Variants in CNTN4 observed in about 807,000 individuals in gnomAD.
The protein encoded by CNTN4 is contactin 4.
In CNTN4, 77 loss-of-function variants were observed where a neutral mutation model predicts 122.5. That is an observed-to-expected ratio of 0.63 (90% CI 0.52 to 0.76). The LOEUF (loss-of-function observed/expected upper bound fraction) is 0.76, where lower values mean the gene tolerates loss of function less well. Among genes scored for constraint, CNTN4 ranks in the 30% least tolerant of loss-of-function variants. The probability of loss-of-function intolerance (pLI) is 0.00; values close to 1 mark genes in which losing one functional copy is unlikely to be tolerated. For missense variants in CNTN4, 1,256 were observed against 1,259.1 expected, an observed-to-expected ratio of 1.00 and a Z score of 0.04; for synonymous variants, 512 against 447.0, an observed-to-expected ratio of 1.15 and a Z score of -1.83.
chr3:2,338,251 T>C (rs1158711805), intron 2 of CNTN4, among the ~76,000 whole-genome samples: 1 of 151,972 alleles, frequency 6.6e-6, no homozygotes, highest in Non-Finnish European at 1.5e-5. Flanking sequence ...GTAAAGGTAG[T>C]TAGGTATTTA....
rs1053125829 is a variant in CNTN4 at position 2,910,115 on chromosome 3, G to A, written c.1207+7110G>A. ...TGAATAGGAATAAAGCACACAGAAT[G>A]TCTTGACAGACTACCATGTGAGGCT... On this transcript the variant is annotated intron_variant, in intron 12 of 24. Coordinates refer to ENST00000418658, the MANE Select transcript of CNTN4 (RefSeq NM_175607.3). Among the ~76,000 whole-genome samples the A allele has an allele frequency of 5.3e-5, 8 of 152,348 alleles. No individual in the cohort carries two copies. In the South Asian group the frequency reaches 1.7e-3, roughly 32 times the overall value.
At chr3:2,312,222 C>G (rs2042941642) in intron 2 of CNTN4, among the ~76,000 whole-genome samples, 1 of 151,776 alleles carries the variant, frequency 6.6e-6, no homozygotes, top group Non-Finnish European at 1.5e-5. Context: ...CAGTGGAATA[C>G]CAGTGGAAAG....
At chr3:2,865,465 A>C (rs1195980867) in intron 7 of CNTN4, among the ~76,000 whole-genome samples, 1 of 152,218 alleles carries the variant, frequency 6.6e-6, no homozygotes, top group Admixed American at 6.5e-5. Context: ...AGGACACTTT[A>C]TACATTTAGA....
intron 2 of CNTN4, among the ~76,000 whole-genome samples, chr3:2,181,540 G>A (rs1357950198): frequency 3.9e-5 from 6 of 152,028 alleles, no homozygotes; most frequent in Non-Finnish European, 7.4e-5. Context: ...CTTGGAATGG[G>A]GCTCTGAGTC....
At chr3:2,679,001 C>T (rs376304720) in intron 4 of CNTN4, among the ~76,000 whole-genome samples, 66 of 152,232 alleles carry the variant, frequency 4.3e-4, no homozygotes, top group African/African-American at 1.6e-3. Flanking sequence ...TGTTGAAATG[C>T]CCCCTATATA....
intron 3 of CNTN4, among the ~76,000 whole-genome samples, chr3:2,422,281 T>G (rs1172265415): frequency 6.6e-6 from 1 of 152,210 alleles, no homozygotes; most frequent in East Asian, 1.9e-4. Flanking sequence ...TCCCCCTCTT[T>G]CCAGACATTT....
At chr3:2,570,280 C>A (rs910760318) in intron 3 of CNTN4, among the ~76,000 whole-genome samples, 3 of 151,770 alleles carry the variant, frequency 2.0e-5, no homozygotes, top group African/African-American at 7.3e-5. Context: ...TTGAAGCAAT[C>A]CTCCTGTCTT....
rs960800813 is a variant in CNTN4 at position 2,948,229 on chromosome 3, G to A, written c.1358+22450G>A. On this transcript the variant is annotated intron_variant, in intron 13 of 24. Coordinates refer to ENST00000418658, the MANE Select transcript of CNTN4 (RefSeq NM_175607.3). ...GTTCTCTTTGTGGGATTTTGTTGGC[G>A]GTAGCGTTCCCAGTTGGCCCCATTA... 5.9e-5 allele frequency among the ~76,000 whole-genome samples: 9 copies of A among 152,266 alleles called. No individual in the cohort carries two copies. The East Asian group carries it at 9.6e-4, about 16-fold the overall frequency.
intron 3 of CNTN4, among the ~76,000 whole-genome samples, chr3:2,426,720 G>A (rs1373621789): frequency 2.6e-5 from 4 of 152,088 alleles, no homozygotes; most frequent in Non-Finnish European, 4.4e-5. Flanking sequence ...TTGGTTGGTA[G>A]GCTCTTAATT....
intron 3 of CNTN4, among the ~76,000 whole-genome samples, chr3:2,429,855 G>A (rs2047993719): frequency 6.6e-6 from 1 of 152,126 alleles, no homozygotes; most frequent in Admixed American, 6.5e-5. Flanking sequence ...AATAAGTGAG[G>A]CTCCGTGGGC....
intron 14 of CNTN4, among the ~76,000 whole-genome samples, chr3:2,995,305 A>G (rs1499130): frequency 0.024 from 3,643 of 152,290 alleles, 133 homozygotes; most frequent in African/African-American, 0.081. Context: ...TTCCTCTGAC[A>G]TTCTTATGGA....
rs775347769 is a variant in CNTN4 at position 2,883,246 on chromosome 3, A to G, written c.754A>G (p.Asn252Asp). 1 of 1,612,072 alleles carries G rather than the reference A, an allele frequency of 6.2e-7. No individual in the cohort carries two copies. The change falls in exon 9 of 25, where the codon AAT becomes GAT. Residue 252 changes from asparagine (N) to aspartate (D), a missense_variant and splice_region_variant. Physicochemically the swap from Asn to Asp is conservative, Grantham distance 23. Coordinates refer to ENST00000418658, the MANE Select transcript of CNTN4 (RefSeq NM_175607.3). ...GAAGCTGGAATGCTTTGCTTTAGGA[A>G]AGTAAGTTCTGGTTTGCGTTCCTTC... ...TVKLECFALGNPVPTIIWRRA... is the reference protein window; with the variant it reads ...TVKLECFALGDPVPTIIWRRA...
At chr3:2,955,183 C>A (rs1223068459) in intron 13 of CNTN4, among the ~76,000 whole-genome samples, 1 of 152,138 alleles carries the variant, frequency 6.6e-6, no homozygotes, top group Non-Finnish European at 1.5e-5. Flanking sequence ...TCACCAAAAT[C>A]TTACAGTTGA....
intron 6 of CNTN4, among the ~76,000 whole-genome samples, chr3:2,802,979 C>T (rs141959544): frequency 2.1e-4 from 32 of 152,096 alleles, no homozygotes; most frequent in Non-Finnish European, 3.8e-4. Flanking sequence ...ATAGGACTGT[C>T]GTTTATCAAA....
At chr3:2,650,513 G>A (rs917884650) in intron 4 of CNTN4, among the ~76,000 whole-genome samples, 5 of 152,122 alleles carry the variant, frequency 3.3e-5, no homozygotes, top group Non-Finnish European at 7.3e-5. Flanking sequence ...TTCCTACTGC[G>A]GATAAAATCC....
At chr3:2,674,927 C>CTACTTTCATA (rs2150412440) in intron 4 of CNTN4, among the ~76,000 whole-genome samples, 1 of 152,316 alleles carries the variant, frequency 6.6e-6, no homozygotes, top group East Asian at 1.9e-4. Context: ...ATTCTACTCT[C>CTACTTTCATA]TACTTTCATA....
At chr3:2,689,260 T>A (rs531189295) in intron 4 of CNTN4, among the ~76,000 whole-genome samples, 1 of 152,288 alleles carries the variant, frequency 6.6e-6, no homozygotes, top group East Asian at 1.9e-4. Context: ...AAGTTGCCAC[T>A]GACATTCCCA....
chr3:2,662,395 G>A (rs1405015342), intron 4 of CNTN4, among the ~76,000 whole-genome samples: 5 of 152,130 alleles, frequency 3.3e-5, no homozygotes, highest in Non-Finnish European at 7.4e-5. Context: ...TTCAGTGTGT[G>A]ACTTTCCAGA....
chr3:3,042,317 C>G lies in CNTN4; in HGVS notation c.2406C>G (p.Thr802=), dbSNP rs202144371. The change falls in exon 21 of 25, where the codon ACC becomes ACG. Residue 802 remains threonine, a synonymous_variant. Coordinates refer to ENST00000418658, the MANE Select transcript of CNTN4 (RefSeq NM_175607.3). ...CTCCATATTCATCTACAGAACCCAC[C>G]AAACCACCAGCCAGTATCTTTGCCA... is the stretch of plus-strand genomic sequence containing the variant. The part of the protein sequence containing the change: ...TVVYSAEEEP[T]KPPASIFARS... 155 of 1,613,664 alleles carry G rather than the reference C, an allele frequency of 9.6e-5. No individual in the cohort carries two copies. Among genetic ancestry groups the G allele is most frequent in the Non-Finnish European group, 1.2e-4 (144 of 1,179,678 alleles).
Sources: gnomAD v4.1 joint callset for allele counts (sites outside exome capture counted in the v4.1 genomes callset) on GRCh38, gnomAD v4.1.1 for gene constraint, MANE v1.5 for transcripts, NCBI Gene and HGNC (gene_info 2026-07-23, HGNC 2026-07-21) for gene names.